Variants in PARD3 observed in about 807,000 individuals in gnomAD.
PARD3 encodes the protein partitioning defective 3 homolog.
In PARD3, 75 loss-of-function variants were observed where a neutral mutation model predicts 155.4. The ratio of observed to expected loss-of-function variants is 0.48; its 90% CI spans 0.40 to 0.58. The LOEUF (loss-of-function observed/expected upper bound fraction) is 0.58, where lower values mean the gene tolerates loss of function less well. Among genes scored for constraint, PARD3 ranks in the 20% least tolerant of loss-of-function variants. PARD3 has a pLI of 0.00. For missense variants in PARD3, 1,642 were observed against 1,721.7 expected (o/e 0.95, Z 0.82); for synonymous variants, 576 against 610.5 (o/e 0.94, Z 0.83).
chr10:34,658,226 A>C (rs1484655954), intron 2 of PARD3, among the ~76,000 whole-genome samples: 1 of 152,210 alleles, frequency 6.6e-6, no homozygotes, highest in African/African-American at 2.4e-5. Flanking sequence ...CTTTTGGTAA[A>C]GATGTAAAAA....
intron 1 of PARD3, among the ~76,000 whole-genome samples, chr10:34,805,865 T>C (rs1843313120): frequency 6.6e-6 from 1 of 151,770 alleles, no homozygotes; most frequent in Non-Finnish European, 1.5e-5. Context: ...TAGTCCCAGC[T>C]ACTCGGGAGG....
intron 15 of PARD3, chr10:34,346,470 C>T (rs1346464930): frequency 1.5e-6 from 2 of 1,347,432 alleles, no homozygotes; most frequent in East Asian, 9.3e-5. Context: ...GGGGAAATTA[C>T]AGCATATCAC....
chr10:34,718,951 G>T (rs1264402424), intron 1 of PARD3, among the ~76,000 whole-genome samples: 1 of 151,572 alleles, frequency 6.6e-6, no homozygotes, highest in African/African-American at 2.4e-5. Flanking sequence ...GGACAAGAGC[G>T]AGACTCAAAA....
chr10:34,360,124 C>T lies in PARD3; in HGVS notation c.1843G>A (p.Ala615Thr), dbSNP rs774764458. Residue 615 changes from alanine (A) to threonine (T), a missense_variant, in exon 13 of 25, where the codon GCA becomes ACA. Ala to Thr is a moderately conservative substitution (Grantham distance 58, BLOSUM62 0). Transcript: ENST00000374788. The part of the protein sequence containing the change: ...VKGNRSKENH[A>T]DLGIFVKSII... ...GACTTGACAAAGATTCCCAAATCTG[C>T]GTGGTTCTCTTTTGACCGGTTACCT... is the stretch of plus-strand genomic sequence containing the variant. 17 of 1,614,080 alleles carry T rather than the reference C, an allele frequency of 1.1e-5. No individual in the cohort carries two copies. The highest frequency in any genetic ancestry group is 4.4e-5 in the South Asian group (4 of 91,074).
At chr10:34,519,821 A>ATAACG (rs1564803949) in intron 2 of PARD3, among the ~76,000 whole-genome samples, 1 of 14,416 alleles carries the variant, frequency 6.9e-5, no homozygotes, top group African/African-American at 2.4e-4. Flanking sequence ...CTCAAAATAA[A>ATAACG]TAACATAACA....
At chr10:34,348,571 C>T (rs1184988577) in intron 14 of PARD3, among the ~76,000 whole-genome samples, 1 of 152,164 alleles carries the variant, frequency 6.6e-6, no homozygotes, top group Non-Finnish European at 1.5e-5. Flanking sequence ...AATTAGCACA[C>T]ATTTTTCCAT....
intron 5 of PARD3, chr10:34,426,763 A>G (rs2075630454): frequency 1.3e-5 from 2 of 152,248 alleles, no homozygotes; most frequent in African/African-American, 4.8e-5. Flanking sequence ...AAGTAGAAGA[A>G]GAGCAATCCC....
intron 2 of PARD3, among the ~76,000 whole-genome samples, chr10:34,542,434 A>C (rs2083709521): frequency 6.6e-6 from 1 of 152,166 alleles, no homozygotes; most frequent in Admixed American, 6.5e-5. Flanking sequence ...ACTGCAAAAC[A>C]TCCTCAATAC....
chr10:34,586,646 T>TA (rs113361224), intron 2 of PARD3, among the ~76,000 whole-genome samples: 5 of 152,330 alleles, frequency 3.3e-5, no homozygotes, highest in African/African-American at 1.2e-4. Flanking sequence ...TAGATGATTC[T>TA]AAGCATTAAG....
intron 21 of PARD3, among the ~76,000 whole-genome samples, chr10:34,276,170 CAA>C (rs777765780): frequency 4.6e-5 from 7 of 151,946 alleles, no homozygotes; most frequent in Non-Finnish European, 1.0e-4. Flanking sequence ...AACCTTTTAT[CAA>C]GTCATTTTTA....
At chr10:34,711,224 G>C (rs1030943238) in intron 1 of PARD3, among the ~76,000 whole-genome samples, 3 of 151,854 alleles carry the variant, frequency 2.0e-5, no homozygotes, top group African/African-American at 7.3e-5. Flanking sequence ...CTCCAACTCT[G>C]AAGTATTTAC....
chr10:34,126,656 A>T (rs538855618), intron 23 of PARD3, among the ~76,000 whole-genome samples: 1 of 152,206 alleles, frequency 6.6e-6, no homozygotes, highest in Non-Finnish European at 1.5e-5. Flanking sequence ...AAAACAGATA[A>T]TTAAAACCAT....
intron 1 of PARD3, among the ~76,000 whole-genome samples, chr10:34,807,106 G>C (rs932197114): frequency 2.0e-5 from 3 of 152,188 alleles, no homozygotes; most frequent in East Asian, 1.9e-4. Context: ...GCCCTTAGAG[G>C]GGGTAGGGGG....
chr10:34,384,401 G>C (rs755619949), intron 7 of PARD3, 147 bp from the exon 8 acceptor site: 29 of 760,046 alleles, frequency 3.8e-5, no homozygotes, highest in Non-Finnish European at 5.6e-5. Flanking sequence ...TTAAATGACA[G>C]ACAAAAACCA....
chr10:34,655,456 C>G (rs1308953685), intron 2 of PARD3, among the ~76,000 whole-genome samples: 1 of 152,088 alleles, frequency 6.6e-6, no homozygotes, highest in Non-Finnish European at 1.5e-5. Flanking sequence ...GAGAGAAGTT[C>G]ATGACATCAC....
rs561341911 is a variant in PARD3 at position 34,806,930 on chromosome 10, C to T, written c.120+7946G>A. Among the ~76,000 whole-genome samples the T allele has an allele frequency of 2.9e-4, 44 of 152,334 alleles. No individual in the cohort carries two copies. The South Asian group carries it at 8.5e-3, about 29-fold the overall frequency. ...GAGAACATGGGGAAACAGAGGCTCA[C>T]AGAGCTTGTAAGATTTGCCAAAGCT... On this transcript the variant is annotated intron_variant, in intron 1 of 24. Transcript: ENST00000374788.
chr10:34,694,170 CAAA>C (rs552379913), intron 2 of PARD3, among the ~76,000 whole-genome samples: 30 of 145,768 alleles, frequency 2.1e-4, no homozygotes, highest in African/African-American at 7.2e-4. Flanking sequence ...AAAAAAGAAA[CAAA>C]AAAAAGAAGG....
At position 34,377,983 on chromosome 10, in the gene PARD3, C is replaced by G. The variant is rs1370010260; in HGVS notation, c.1523G>C (p.Gly508Ala). 1 of 1,580,912 alleles carries G rather than the reference C, an allele frequency of 6.3e-7. No individual in the cohort carries two copies. Among genetic ancestry groups the G allele is most frequent in the Admixed American group, 1.9e-5 (1 of 52,270 alleles). The change falls in exon 10 of 25, where the codon GGA becomes GCA. Residue 508 changes from glycine to alanine, a missense_variant. Gly to Ala is a moderately conservative substitution (Grantham distance 60, BLOSUM62 0). Around this residue, in one of 3 missense-constraint regions of PARD3, gnomAD observed 1,529 missense variants for 1,587.3 expected, o/e 0.96. Coordinates refer to ENST00000374788, the MANE Select transcript of PARD3 (RefSeq NM_001184785.2). ...GTCACTTACCTCTATAAGTCTGTCT[C>G]CTGCCTTAAGTCGGCCATCCTGAAT... ...AAIQDGRLKA[G>A]DRLIEVNGVD... is the part of the protein sequence containing the mutation.
intron 1 of PARD3, among the ~76,000 whole-genome samples, chr10:34,741,068 CAACAGGCTAACAGACTATACTCAATACT>C (rs1350920116): frequency 6.6e-6 from 1 of 151,818 alleles, no homozygotes. Flanking sequence ...GTGAACAGAC[CAACAGGCTAACAGACTATACTCAATACT>C]ACATCTCTAA....
Sources: gnomAD v4.1 joint callset for allele counts (sites outside exome capture counted in the v4.1 genomes callset) on GRCh38, gnomAD v4.1.1 for gene constraint, gnomAD v4.1.1 regional missense constraint, MANE v1.5 for transcripts, NCBI Gene and HGNC (gene_info 2026-07-23, HGNC 2026-07-21) for gene names.